Variants in CCDC33 observed in about 807,000 individuals in gnomAD.
CCDC33 encodes coiled-coil domain containing 33, also known as coiled-coil domain-containing protein 33.
Under a neutral mutation model 91.9 loss-of-function variants are expected in CCDC33, and 94 were observed. The ratio of observed to expected loss-of-function variants is 1.02; its 90% CI spans 0.87 to 1.21. The LOEUF is 1.21. Ranked by LOEUF, CCDC33 falls within the 50% of genes most tolerant of loss-of-function variation. The probability of loss-of-function intolerance (pLI) is 0.00; values close to 1 mark genes in which losing one functional copy is unlikely to be tolerated. For synonymous variants in CCDC33, 396 were observed against 374.5 expected (o/e 1.06, Z -0.66); for missense variants, 940 against 935.5 (o/e 1.00, Z -0.06).
intron 2 of CCDC33, among the ~76,000 whole-genome samples, chr15:74,257,662 G>A (rs1293451401): frequency 6.6e-6 from 1 of 152,156 alleles, no homozygotes; most frequent in African/African-American, 2.4e-5. Flanking sequence ...CAGCCAAACA[G>A]CCCCCCTCAA....
intron 2 of CCDC33, among the ~76,000 whole-genome samples, chr15:74,258,970 C>G (rs574679064): frequency 2.2e-4 from 33 of 152,162 alleles, no homozygotes; most frequent in Non-Finnish European, 3.2e-4. Context: ...CACACACACC[C>G]TTCCAGCAGC....
intron 7 of CCDC33, among the ~76,000 whole-genome samples, chr15:74,276,288 C>T (rs1438549598): frequency 6.6e-6 from 1 of 152,172 alleles, no homozygotes; most frequent in African/African-American, 2.4e-5. Context: ...GATGGCCTGT[C>T]GGACTTCACC....
intron 5 of CCDC33, 105 bp from the exon 6 acceptor site, chr15:74,271,598 T>G: frequency 3.0e-5 from 23 of 764,512 alleles, no homozygotes; most frequent in Non-Finnish European, 4.3e-5. Context: ...GAGGCAGCCA[T>G]GAGCTCACGG....
intron 3 of CCDC33, among the ~76,000 whole-genome samples, chr15:74,264,110 G>C (rs1385184816): frequency 5.9e-5 from 9 of 151,748 alleles, no homozygotes; most frequent in Admixed American, 5.9e-4. Flanking sequence ...AGGCCTCATG[G>C]GCAGGCAGGG....
chr15:74,283,794 TCACACACACACACA>T (rs3223095), intron 10 of CCDC33, among the ~76,000 whole-genome samples: 1 of 146,220 alleles, frequency 6.8e-6, no homozygotes, highest in African/African-American at 2.5e-5. Context: ...AGCCAAGAAT[TCACACACACACACA>T]CACACACACA....
intron 2 of CCDC33, among the ~76,000 whole-genome samples, chr15:74,255,228 G>A (rs750510509): frequency 6.6e-6 from 1 of 152,058 alleles, no homozygotes; most frequent in Non-Finnish European, 1.5e-5. Context: ...CCTCCTTCTC[G>A]AAACCTGTGA....
chr15:74,286,234 A>G (rs1158594982), intron 10 of CCDC33, among the ~76,000 whole-genome samples: 1 of 152,210 alleles, frequency 6.6e-6, no homozygotes, highest in Non-Finnish European at 1.5e-5. Flanking sequence ...CAACAGAGCA[A>G]GACTGTGTCT....
intron 11 of CCDC33, 93 bp from the exon 12 acceptor site, chr15:74,330,096 T>TC: frequency 2.1e-6 from 3 of 1,432,278 alleles, no homozygotes; most frequent in Non-Finnish European, 2.8e-6. Flanking sequence ...ACTGGCCTTG[T>TC]GGGGGACCCA....
At chr15:74,222,312 G>A (rs368416) in intron 2 of CCDC33, among the ~76,000 whole-genome samples, 36,742 of 152,074 alleles carry the variant, frequency 0.24, 5,175 homozygotes, top group Middle Eastern at 0.37. Context: ...TTCCTTGTTT[G>A]TAGCTCTGGG....
chr15:74,330,292 G>T lies in CCDC33; in HGVS notation c.1394G>T (p.Ser465Ile), dbSNP rs201505964. The T allele has an allele frequency of 1.3e-4, 212 of 1,611,838 alleles. 1 individual carries two copies. In the African/African-American group the frequency reaches 2.5e-3, roughly 19 times the overall value. The change falls in exon 12 of 19, where the codon AGC becomes ATC. Residue 465 changes from serine (S) to isoleucine (I), a missense_variant. Ser to Ile is a moderately radical substitution (Grantham distance 142). Transcript: ENST00000398814. ...ILEGENRILR[S>I]RLAQQEEEEG... Reference sequence around the variant, plus strand: ...GAAGGAGAGAACCGCATACTGAGGAGCCGCCTGGCCCAGCAGGAGGAGGAA... The same window carrying T: ...GAAGGAGAGAACCGCATACTGAGGATCCGCCTGGCCCAGCAGGAGGAGGAA...
chr15:74,265,542 C>A (rs773152762), intron 3 of CCDC33, among the ~76,000 whole-genome samples: 4 of 152,210 alleles, frequency 2.6e-5, no homozygotes, highest in African/African-American at 4.8e-5. Flanking sequence ...ATATAACCCT[C>A]TGAGCTCCAT....
intron 10 of CCDC33, among the ~76,000 whole-genome samples, chr15:74,293,075 C>G (rs1029449477): frequency 6.6e-6 from 1 of 152,154 alleles, no homozygotes; most frequent in Non-Finnish European, 1.5e-5. Context: ...TGCATTGACC[C>G]ATCTGGTGCT....
chr15:74,307,885 C>A (rs1473411271), intron 11 of CCDC33, among the ~76,000 whole-genome samples: 3 of 151,702 alleles, frequency 2.0e-5, no homozygotes, highest in African/African-American at 2.4e-5. Context: ...CACTCCCAGG[C>A]CCCCACCCCT....
rs534710530 is a variant in CCDC33 at position 74,284,016 on chromosome 15, T to G, written c.1095+2167T>G. ...ACACGGAAGCTAAATCTCTTTGTAGTGGAACTATTTCTTGGTAAACTATCT... is the reference window on the plus strand; with the variant it reads ...ACACGGAAGCTAAATCTCTTTGTAGGGGAACTATTTCTTGGTAAACTATCT... On this transcript the variant is annotated intron_variant, in intron 10 of 18. Coordinates refer to ENST00000398814, the MANE Select transcript of CCDC33 (RefSeq NM_025055.5). Among the ~76,000 whole-genome samples, 3 of 152,362 alleles carry G rather than the reference T, an allele frequency of 2.0e-5. No homozygotes were observed. The South Asian group carries it at 6.2e-4, about 32-fold the overall frequency.
intron 16 of CCDC33, chr15:74,333,268 A>C (rs1310613593): frequency 1.2e-6 from 2 of 1,603,372 alleles, no homozygotes; most frequent in Admixed American, 3.4e-5. Flanking sequence ...CAGAGAGGCT[A>C]CAAGAGACGC....
At chr15:74,249,719 CTG>C (rs1254960957) in intron 2 of CCDC33, among the ~76,000 whole-genome samples, 1 of 152,154 alleles carries the variant, frequency 6.6e-6, no homozygotes, top group African/African-American at 2.4e-5. Flanking sequence ...CTTATTGAAA[CTG>C]TGCTGGGTGT....
chr15:74,297,153 T>C (rs1172974569), intron 11 of CCDC33, among the ~76,000 whole-genome samples: 4 of 152,254 alleles, frequency 2.6e-5, no homozygotes, highest in Non-Finnish European at 5.9e-5. Flanking sequence ...CTGCCCACCC[T>C]GGAGCAGGGC....
chr15:74,322,723 A>G (rs1219455692), intron 11 of CCDC33, among the ~76,000 whole-genome samples: 1 of 152,110 alleles, frequency 6.6e-6, no homozygotes, highest in Non-Finnish European at 1.5e-5. Context: ...GCCTCATCCC[A>G]CCACAGGCTG....
chr15:74,280,027 G>A lies in CCDC33; in HGVS notation c.824G>A (p.Arg275Gln), dbSNP rs765926271. 35 of 1,614,052 alleles carry A rather than the reference G, an allele frequency of 2.2e-5. 1 individual carries two copies. The highest frequency in any genetic ancestry group is 1.6e-4 in the Middle Eastern group (1 of 6,084). ...AATCAGTCCTTCCTCTTCCAAGGCC[G>A]AGATGGAGCTACCAGCTTCTCAGAA... ...LWNQSFLFQG[R>Q]DGATSFSEDT... The change falls in exon 8 of 19, where the codon CGA becomes CAA. Residue 275 changes from arginine to glutamine, a missense_variant. Coordinates refer to ENST00000398814, the MANE Select transcript of CCDC33 (RefSeq NM_025055.5).
Sources: gnomAD v4.1 joint callset for allele counts (sites outside exome capture counted in the v4.1 genomes callset) on GRCh38, gnomAD v4.1.1 for gene constraint, MANE v1.5 for transcripts, NCBI Gene and HGNC (gene_info 2026-07-23, HGNC 2026-07-21) for gene names.